The following VLDLR variants were observed in gnomAD, a reference collection of about 807,000 sequenced individuals.
The protein encoded by VLDLR is very low density lipoprotein receptor, also known as very low-density lipoprotein receptor.
VLDLR carries 81 observed loss-of-function variants against 112.7 expected under a neutral mutation model. That is an observed-to-expected ratio of 0.72 (90% CI 0.60 to 0.86). The LOEUF is 0.86. Among genes scored for constraint, VLDLR ranks in the 40% least tolerant of loss-of-function variants. The probability of loss-of-function intolerance (pLI) is 0.00; values close to 1 mark genes in which losing one functional copy is unlikely to be tolerated. For missense variants in VLDLR, 1,237 were observed against 1,099.4 expected (o/e 1.13, Z -1.77); for synonymous variants, 436 against 384.8 (o/e 1.13, Z -1.56).
intron 1 of VLDLR, among the ~76,000 whole-genome samples, chr9:2,633,318 A>G (rs184155419): frequency 1.4e-4 from 21 of 152,274 alleles, no homozygotes; most frequent in African/African-American, 4.6e-4. Flanking sequence ...GTATATTACA[A>G]CTAAATTCAG....
chr9:2,653,029 G>C, intron 18 of VLDLR, 80 bp downstream of exon 18: 29 of 1,549,056 alleles, frequency 1.9e-5, no homozygotes, highest in Non-Finnish European at 2.3e-5. Context: ...GAGAGAGAGA[G>C]CCATTAGGAT....
At chr9:2,631,608 A>C (rs977508729) in intron 1 of VLDLR, among the ~76,000 whole-genome samples, 3 of 152,162 alleles carry the variant, frequency 2.0e-5, no homozygotes, top group African/African-American at 7.2e-5. Flanking sequence ...TGGAAGCTTA[A>C]ATATTTCATT....
rs34557620 is a variant in VLDLR, at chr9:2,641,582, G to A, written c.448+83G>A. The A allele has an allele frequency of 1.8e-4, 283 of 1,598,044 alleles. 1 individual carries two copies. The highest frequency in any genetic ancestry group is 2.3e-4 in the Non-Finnish European group (267 of 1,168,036). Reference sequence around the variant, plus strand: ...GGGCAGGGGAAACTAATCTAAGCCTGAAGACGCACTGACATTGACTCACTT... The same window carrying A: ...GGGCAGGGGAAACTAATCTAAGCCTAAAGACGCACTGACATTGACTCACTT... On this transcript the variant is annotated intron_variant, in intron 4 of 18. Transcript: ENST00000382100.
intron 1 of VLDLR, among the ~76,000 whole-genome samples, chr9:2,632,842 A>G (rs941417459): frequency 2.6e-5 from 4 of 152,194 alleles, no homozygotes; most frequent in African/African-American, 4.8e-5. Context: ...CCCTCAAAAC[A>G]AAGTGCTTAG....
At chr9:2,622,604 A>G (rs1305620780) in intron 1 of VLDLR, among the ~76,000 whole-genome samples, 2 of 152,228 alleles carry the variant, frequency 1.3e-5, no homozygotes, top group Non-Finnish European at 2.9e-5. Context: ...TGAGCATTGA[A>G]CAATGGTTCT....
chr9:2,634,403 T>C (rs1817508786), intron 1 of VLDLR, among the ~76,000 whole-genome samples: 1 of 152,210 alleles, frequency 6.6e-6, no homozygotes, highest in Non-Finnish European at 1.5e-5. Flanking sequence ...AACTATATGA[T>C]TCCACTGTTT....
rs1817573764 is a variant in VLDLR, at chr9:2,635,699, C to A, written c.202+127C>A. On this transcript the variant is annotated intron_variant, in intron 2 of 18. Transcript: ENST00000382100. ...TTGCTTTGAAAGAATCTATACTTCTCTGTGTAAAGGAATAAAATTGAATGT... is the reference window on the plus strand; with the variant it reads ...TTGCTTTGAAAGAATCTATACTTCTATGTGTAAAGGAATAAAATTGAATGT... 2.1e-6 allele frequency: 3 copies of A among 1,422,942 alleles called. 1 individual carries two copies. In the South Asian group the frequency reaches 3.6e-5, roughly 17 times the overall value. The allele number at this position is 1,422,942 out of a possible 1,614,324, so 88.1% of individuals were successfully genotyped here.
chr9:2,621,988 G>A lies in VLDLR; in HGVS notation c.-202G>A. On this transcript the variant is annotated 5_prime_UTR_variant, in exon 1 of 19. In the 5' UTR this introduces an upstream ATG that the reference lacks. Transcript: ENST00000382100. ...GCAGCCCGGGGAGGTGGCTGGGTGGGTGGGGAGGAGACTGTGCAAGTTGTA... is the reference window on the plus strand; with the variant it reads ...GCAGCCCGGGGAGGTGGCTGGGTGGATGGGGAGGAGACTGTGCAAGTTGTA... 1.5e-6 allele frequency: 1 copy of A among 657,084 alleles called. No homozygotes were observed. The highest frequency in any genetic ancestry group is 2.7e-6 in the Non-Finnish European group (1 of 368,310). 40.7% of individuals were successfully genotyped at this position (657,084 alleles called of 1,614,324 possible).
chr9:2,636,520 G>T (rs10757603), intron 2 of VLDLR, among the ~76,000 whole-genome samples: 95,899 of 152,022 alleles, frequency 0.63, 30,641 homozygotes, highest in Admixed American at 0.7. Flanking sequence ...CAGACCTTGT[G>T]CTACACCTGA....
chr9:2,644,208 G>A (rs1041672497), intron 7 of VLDLR, among the ~76,000 whole-genome samples: 2 of 146,188 alleles, frequency 1.4e-5, no homozygotes, highest in African/African-American at 5.1e-5. Flanking sequence ...GCCCAGGCTG[G>A]AGTGCAATGA....
Position 2,643,521 on chromosome 9 carries a change from G to C in VLDLR, c.810G>C (p.Glu270Asp), listed in dbSNP as rs1229791551. Residue 270 changes from glutamate (E) to aspartate (D), a missense_variant, in exon 5 of 19, where the codon GAG (glutamate) becomes GAC (aspartate). Physicochemically the swap from Glu to Asp is conservative, Grantham distance 45. Transcript: ENST00000382100. ...GDPDCKDGSD[E>D]VNCPSRTCRP... ...CTGACTGCAAGGATGGCAGTGATGAGGTCAACTGTCGTAAGTAGCTTTCTA... is the reference window on the plus strand; with the variant it reads ...CTGACTGCAAGGATGGCAGTGATGACGTCAACTGTCGTAAGTAGCTTTCTA... 1 of 1,614,192 alleles carries C rather than the reference G, an allele frequency of 6.2e-7. No homozygotes were observed. The highest frequency in any genetic ancestry group is 8.5e-7 in the Non-Finnish European group (1 of 1,180,026).
In VLDLR at chr9:2,648,251, C is replaced by T. The variant is rs1818160760; in HGVS notation, c.1866C>T (p.His622=). ...SRLYWLDSKL[H]MLSSVDLNGQ... ...TCTATTGGCTTGATTCTAAGTTGCA[C>T]ATGTTATCCAGCGTGGACTTGAATG... The change falls in exon 13 of 19, where the codon CAC becomes CAT. Residue 622 remains histidine, a synonymous_variant. Transcript: ENST00000382100. 1.9e-6 allele frequency: 3 copies of T among 1,614,188 alleles called. No individual in the cohort carries two copies. The highest frequency in any genetic ancestry group is 1.7e-5 in the Admixed American group (1 of 60,028).
intron 1 of VLDLR, among the ~76,000 whole-genome samples, chr9:2,632,014 A>G (rs1817370021): frequency 6.6e-6 from 1 of 152,150 alleles, no homozygotes; most frequent in South Asian, 2.1e-4. Context: ...TATATAAGTG[A>G]CAGTAAAAGT....
intron 18 of VLDLR, 69 bp downstream of exon 18, chr9:2,653,018 A>G: frequency 1.3e-6 from 2 of 1,520,816 alleles, no homozygotes; most frequent in East Asian, 4.6e-5. Context: ...GACCTGGGTG[A>G]GAGAGAGAGA....
chr9:2,623,311 G>C (rs1442957835), intron 1 of VLDLR, among the ~76,000 whole-genome samples: 1 of 152,236 alleles, frequency 6.6e-6, no homozygotes, highest in Non-Finnish European at 1.5e-5. Context: ...GCCTTTCTGA[G>C]AGGACTCAGT....
chr9:2,649,604 C>A (rs150876332), intron 14 of VLDLR, among the ~76,000 whole-genome samples: 64 of 152,272 alleles, frequency 4.2e-4, no homozygotes, highest in African/African-American at 1.4e-3. Context: ...GTTGGCCAGA[C>A]TGGTCTCGAA....
intron 2 of VLDLR, among the ~76,000 whole-genome samples, chr9:2,639,490 T>C (rs1254280159): frequency 1.3e-5 from 2 of 152,294 alleles, no homozygotes; most frequent in East Asian, 3.9e-4. Context: ...AGATGGAATG[T>C]TTAGCTGTTA....
At chr9:2,623,201 C>T (rs994399048) in intron 1 of VLDLR, among the ~76,000 whole-genome samples, 2 of 152,300 alleles carry the variant, frequency 1.3e-5, no homozygotes, top group African/African-American at 4.8e-5. Flanking sequence ...TGACTACTGT[C>T]GGGTCCCCAG....
chr9:2,645,419 TTG>T (rs1818024555), intron 9 of VLDLR, among the ~76,000 whole-genome samples, 153 bp from the exon 10 acceptor site: 1 of 152,202 alleles, frequency 6.6e-6, no homozygotes. Context: ...TAGGAAGCAC[TTG>T]CAGGTCCCAG....
Sources: allele counts gnomAD v4.1 joint callset (sites outside exome capture counted in the v4.1 genomes callset), GRCh38; gene constraint gnomAD v4.1.1; transcripts MANE v1.5; gene names NCBI Gene and HGNC (gene_info 2026-07-23, HGNC 2026-07-21).